RGS6: variants seen among roughly 807,000 people sequenced by gnomAD.
RGS6 encodes regulator of G protein signaling 6, also known as regulator of G-protein signaling 6.
RGS6 carries 30 observed loss-of-function variants against 78.5 expected under a neutral mutation model. That is an observed-to-expected ratio of 0.38 (90% confidence interval 0.29 to 0.52). The LOEUF is 0.52. RGS6 is among the 20% of genes least tolerant of loss of function. RGS6 has a pLI of 0.85. For synonymous variants in RGS6, 206 were observed against 206.0 expected, an observed-to-expected ratio of 1.00 and a Z score of 0.00; for missense variants, 495 against 609.7, an observed-to-expected ratio of 0.81 and a Z score of 1.98.
At chr14:72,258,416 A>G (rs112673835) in intron 2 of RGS6, among the ~76,000 whole-genome samples, 1,630 of 152,334 alleles carry the variant, frequency 0.011, 15 homozygotes, top group South Asian at 0.024. Flanking sequence ...TGTACTGCAC[A>G]AGTGCGAGGG....
At chr14:72,135,880 G>GGA (rs1278949679) in intron 2 of RGS6, among the ~76,000 whole-genome samples, 1 of 152,112 alleles carries the variant, frequency 6.6e-6, no homozygotes, top group African/African-American at 2.4e-5. Flanking sequence ...AGGAAGAGGA[G>GGA]GAGGAGAGGA....
rs182688538 is a variant in RGS6 at position 72,403,915 on chromosome 14, G to T, written c.185-50613G>T. ...GAAAGGGTCAAAAGAGTACATTATT[G>T]AACCTGTAATAAAGTTACTGAAATT... On this transcript the variant is annotated intron_variant, in intron 3 of 17. Coordinates refer to ENST00000553525, the MANE Select transcript of RGS6 (RefSeq NM_001204424.2). Among the ~76,000 whole-genome samples, 285 of 152,222 alleles carry T rather than the reference G, an allele frequency of 1.9e-3. 1 individual carries two copies. Among genetic ancestry groups the T allele is most frequent in the Non-Finnish European group, 2.4e-3 (162 of 68,012 alleles).
intron 1 of RGS6, among the ~76,000 whole-genome samples, chr14:71,933,639 T>G (rs561015917): frequency 1.3e-4 from 20 of 152,338 alleles, no homozygotes; most frequent in African/African-American, 4.8e-4. Flanking sequence ...CATTTTTGTT[T>G]CTTAATTTGA....
At chr14:72,041,158 G>A (rs2092366046) in intron 2 of RGS6, among the ~76,000 whole-genome samples, 1 of 151,990 alleles carries the variant, frequency 6.6e-6, no homozygotes, top group African/African-American at 2.4e-5. Context: ...ATTGATTTTT[G>A]CTGGGATTTG....
rs1297136689 is a variant in RGS6, at chr14:72,287,782, C to G, written c.85-64313C>G. On this transcript the variant is annotated intron_variant, in intron 2 of 17. Transcript: ENST00000553525. ...CAACTTTTTTATATTGAGGTAAATT[C>G]CTTCTATACCTAGTTTGTTGAGAGT... Among the ~76,000 whole-genome samples, 4 of 152,184 alleles carry G rather than the reference C, an allele frequency of 2.6e-5. No individual in the cohort carries two copies. In the South Asian group the frequency reaches 8.3e-4, roughly 31 times the overall value.
intron 2 of RGS6, among the ~76,000 whole-genome samples, chr14:72,023,246 G>T (rs1675552033): frequency 6.6e-6 from 1 of 152,192 alleles, no homozygotes; most frequent in African/African-American, 2.4e-5. Flanking sequence ...CCTGGAGCTG[G>T]AAATATATTT....
rs376596433 is a variant in RGS6 at position 72,557,990 on chromosome 14, AT to A, written c.1423-4417del. 5.8e-3 allele frequency among the ~76,000 whole-genome samples: 877 copies of A among 150,432 alleles called. 6 individuals carry two copies. The highest frequency in any genetic ancestry group is 0.018 in the African/African-American group (734 of 41,020). On this transcript the variant is annotated intron_variant, in intron 17 of 17. Coordinates refer to ENST00000553525, the MANE Select transcript of RGS6 (RefSeq NM_001204424.2). ...ATAGCTGGGACTTTTTTTTGTCCTA[AT>A]TTTTTTTTTCTTTTGAGATATAATT...
intron 3 of RGS6, among the ~76,000 whole-genome samples, chr14:72,387,552 CAA>C (rs754762069): frequency 4.8e-5 from 5 of 103,166 alleles, no homozygotes; most frequent in African/African-American, 3.7e-5. Flanking sequence ...CCATCTCAAA[CAA>C]AAAAAAAAAA....
At chr14:72,583,613 T>C in the RGS6 span, among the ~76,000 whole-genome samples, 1 of 152,186 alleles carries the variant, frequency 6.6e-6, no homozygotes, top group African/African-American at 2.4e-5. Flanking sequence ...GGGAGACTGA[T>C]TAAATCACAA....
intron 2 of RGS6, among the ~76,000 whole-genome samples, chr14:72,078,075 C>T (rs2283420): frequency 0.7 from 105,743 of 152,022 alleles, 36,932 homozygotes; most frequent in East Asian, 0.81. Flanking sequence ...GTCCCCACTG[C>T]TGGCAGTAGG....
At chr14:72,538,999 A>G (rs113365603) in intron 16 of RGS6, among the ~76,000 whole-genome samples, 7 of 152,192 alleles carry the variant, frequency 4.6e-5, no homozygotes, top group East Asian at 1.9e-4. Context: ...GTTTGTGTCT[A>G]TGTGAGTGTG....
chr14:72,363,999 T>TAAAA lies in RGS6; in HGVS notation c.184+11829_184+11832dup, dbSNP rs55943058. On this transcript the variant is annotated intron_variant, in intron 3 of 17. Coordinates refer to ENST00000553525, the MANE Select transcript of RGS6 (RefSeq NM_001204424.2). Reference sequence around the variant, plus strand: ...ACCATCACTTGTCAGTGGACAAGGCTAAAAAAAAAAAAAAAAAAAAAAAAA... The same window carrying TAAAA: ...ACCATCACTTGTCAGTGGACAAGGCTAAAAAAAAAAAAAAAAAAAAAAAAAAAAA... Among the ~76,000 whole-genome samples, 256 of 46,796 alleles carry TAAAA rather than the reference T, an allele frequency of 5.5e-3. 41 individuals are homozygous for TAAAA. Among genetic ancestry groups the TAAAA allele is most frequent in the African/African-American group, 0.012 (175 of 15,208 alleles). The allele number at this position is 46,796 out of a possible 152,430, so 30.7% of individuals were successfully genotyped here.
chr14:72,215,357 A>G (rs2045311685), intron 2 of RGS6, among the ~76,000 whole-genome samples: 1 of 152,166 alleles, frequency 6.6e-6, no homozygotes, highest in Non-Finnish European at 1.5e-5. Flanking sequence ...AAAGAAAGGG[A>G]CTGTTTCTCT....
At chr14:71,980,191 C>A (rs2094373318) in intron 2 of RGS6, among the ~76,000 whole-genome samples, 1 of 104,656 alleles carries the variant, frequency 9.6e-6, no homozygotes, top group Non-Finnish European at 1.9e-5. Context: ...ATACAGCACA[C>A]TGATGGGTCT....
chr14:72,574,556 C>A, the RGS6 span, among the ~76,000 whole-genome samples: 2 of 152,172 alleles, frequency 1.3e-5, no homozygotes, highest in East Asian at 1.9e-4. Context: ...AGATTGGCCA[C>A]GTGGCAGGTG....
chr14:72,248,039 G>A lies in RGS6; in HGVS notation c.85-104056G>A, dbSNP rs2054670695. On this transcript the variant is annotated intron_variant, in intron 2 of 17. Coordinates refer to ENST00000553525, the MANE Select transcript of RGS6 (RefSeq NM_001204424.2). ...AGAACTATTAAGCATTCTCTCAGTTGTGTCAGTGAAAGCCATCTCTATTTG... is the reference window on the plus strand; with the variant it reads ...AGAACTATTAAGCATTCTCTCAGTTATGTCAGTGAAAGCCATCTCTATTTG... Among the ~76,000 whole-genome samples the A allele has an allele frequency of 3.9e-5, 6 of 152,346 alleles. No homozygotes were observed. In the South Asian group the frequency reaches 1.2e-3, roughly 32 times the overall value.
intron 2 of RGS6, among the ~76,000 whole-genome samples, chr14:72,233,454 G>A (rs2238220): frequency 0.06 from 9,105 of 152,260 alleles, 370 homozygotes; most frequent in East Asian, 0.26. Context: ...TGCAAACCTC[G>A]TGGGACTTAT....
intron 3 of RGS6, among the ~76,000 whole-genome samples, chr14:72,412,553 G>A (rs951528924): frequency 2.2e-4 from 34 of 151,956 alleles, no homozygotes; most frequent in African/African-American, 8.2e-4. Context: ...AGGGTTTTTT[G>A]TGTCTCTATC....
the RGS6 span, among the ~76,000 whole-genome samples, chr14:71,893,885 G>T: frequency 6.6e-6 from 1 of 152,270 alleles, no homozygotes; most frequent in South Asian, 2.1e-4. Context: ...AGAAAAGAAG[G>T]TGTGTAAGGC....
Sources: allele counts gnomAD v4.1 joint callset (sites outside exome capture counted in the v4.1 genomes callset), GRCh38; gene constraint gnomAD v4.1.1; transcripts MANE v1.5; gene names NCBI Gene and HGNC (gene_info 2026-07-23, HGNC 2026-07-21).